Variants in IQCK observed in about 807,000 individuals in gnomAD.
IQCK encodes the protein IQ motif containing K, also known as IQ domain-containing protein K.
Under a neutral mutation model 28.1 loss-of-function variants are expected in IQCK, and 29 were observed. That is an observed-to-expected ratio of 1.03 (90% CI 0.77 to 1.41). IQCK has a LOEUF of 1.41. IQCK is among the 40% of genes most tolerant of loss of function. The probability of loss-of-function intolerance (pLI) is 0.00; values close to 1 mark genes in which losing one functional copy is unlikely to be tolerated. For synonymous variants in IQCK, 113 were observed against 115.1 expected (o/e 0.98, Z 0.12); for missense variants, 359 against 314.7 (o/e 1.14, Z -1.07).
chr16:19,831,406 T>G (rs752436298), downstream of IQCK, among the ~76,000 whole-genome samples: 6 of 152,208 alleles, frequency 3.9e-5, no homozygotes, highest in Admixed American at 6.5e-5. Context: ...TTGTTCCCTT[T>G]AACTGTCGCC....
chr16:19,829,626 C>T (rs965048769), downstream of IQCK, among the ~76,000 whole-genome samples: 1 of 152,142 alleles, frequency 6.6e-6, no homozygotes, highest in Non-Finnish European at 1.5e-5. Flanking sequence ...CATCAGCCAC[C>T]ATGCCTATTG....
intron 6 of IQCK, among the ~76,000 whole-genome samples, chr16:19,767,216 G>A (rs1448105891): frequency 6.6e-6 from 1 of 152,152 alleles, no homozygotes; most frequent in Admixed American, 6.5e-5. Flanking sequence ...GTTACCAGGT[G>A]CTCTCTTAGT....
At position 19,730,424 on chromosome 16, in the gene IQCK, CT is replaced by C; in HGVS notation, c.182-3del. On this transcript the variant is annotated splice_region_variant and splice_polypyrimidine_tract_variant and intron_variant, in intron 1 of 7. Coordinates refer to ENST00000564186, the Ensembl canonical transcript of IQCK. ...GAATTGAGGATTTTTTTTCCCTTCC[CT>C]TTAGAGTATGAAGCTGAGCAGCCTC... 1 of 1,593,428 alleles carries C rather than the reference CT, an allele frequency of 6.3e-7. No individual in the cohort carries two copies. The highest frequency in any genetic ancestry group is 8.5e-7 in the Non-Finnish European group (1 of 1,171,610).
chr16:19,839,218 T>C (rs1346724463), intron 9 of IQCK, among the ~76,000 whole-genome samples: 3 of 151,408 alleles, frequency 2.0e-5, no homozygotes, highest in East Asian at 4.0e-4. Flanking sequence ...TGGAGTGCAA[T>C]GGCATGATCT....
intron 7 of IQCK, among the ~76,000 whole-genome samples, chr16:19,811,645 A>G (rs1157395367): frequency 1.3e-5 from 2 of 152,234 alleles, no homozygotes; most frequent in Admixed American, 6.5e-5. Context: ...CTTGCTGACT[A>G]TACATTAATG....
chr16:19,728,944 C>T (rs1021876746), intron 1 of IQCK, among the ~76,000 whole-genome samples: 11 of 152,236 alleles, frequency 7.2e-5, no homozygotes, highest in African/African-American at 2.4e-4. Context: ...CCCTCAATAC[C>T]GTCTTGCCCA....
chr16:19,727,642 T>G (rs1977702606), intron 1 of IQCK, among the ~76,000 whole-genome samples: 2 of 147,218 alleles, frequency 1.4e-5, no homozygotes, highest in South Asian at 2.3e-4. Flanking sequence ...TAACAATGGT[T>G]GTAGGGTTGC....
At chr16:19,740,189 C>T (rs1022654057) in intron 4 of IQCK, among the ~76,000 whole-genome samples, 9 of 152,204 alleles carry the variant, frequency 5.9e-5, no homozygotes, top group Non-Finnish European at 8.8e-5. Context: ...CAAATTTAAA[C>T]GGCTTCTAAT....
intron 4 of IQCK, among the ~76,000 whole-genome samples, chr16:19,757,108 G>T (rs141515549): frequency 6.6e-6 from 1 of 152,154 alleles, no homozygotes; most frequent in East Asian, 1.9e-4. Context: ...ACTAAGACAT[G>T]AAGTAAATTG....
At chr16:19,778,485 T>C (rs552193446) in intron 6 of IQCK, among the ~76,000 whole-genome samples, 19 of 152,062 alleles carry the variant, frequency 1.2e-4, no homozygotes, top group Admixed American at 8.5e-4. Context: ...GTGAGACCCC[T>C]ATCTCTACAA....
intron 9 of IQCK, among the ~76,000 whole-genome samples, chr16:19,833,920 G>A (rs943216736): frequency 8.6e-5 from 13 of 151,830 alleles, no homozygotes; most frequent in South Asian, 4.2e-4. Context: ...ATGAGACCCC[G>A]TCTCTACAAA....
intron 1 of IQCK, among the ~76,000 whole-genome samples, chr16:19,722,460 C>A (rs912519137): frequency 3.3e-5 from 5 of 152,208 alleles, no homozygotes; most frequent in Non-Finnish European, 7.3e-5. Flanking sequence ...AAACCTCCAC[C>A]ATGACCCTAT....
At chr16:19,760,606 T>C (rs2055123857) in intron 4 of IQCK, among the ~76,000 whole-genome samples, 1 of 152,200 alleles carries the variant, frequency 6.6e-6, no homozygotes, top group South Asian at 2.1e-4. Context: ...ATTCAACCCT[T>C]AACACTCTGC....
chr16:19,762,227 G>T (rs2055157889), intron 4 of IQCK, among the ~76,000 whole-genome samples: 1 of 152,164 alleles, frequency 6.6e-6, no homozygotes, highest in Admixed American at 6.5e-5. Flanking sequence ...CTGTTAATAA[G>T]GTTGAAGTGG....
At chr16:19,747,909 G>A (rs1266607987) in intron 4 of IQCK, among the ~76,000 whole-genome samples, 1 of 152,062 alleles carries the variant, frequency 6.6e-6, no homozygotes. Context: ...GAGAATGGTG[G>A]CCCTTTTTGC....
chr16:19,727,086 A>T (rs1977677892), intron 1 of IQCK, among the ~76,000 whole-genome samples: 2 of 151,436 alleles, frequency 1.3e-5, no homozygotes, highest in Admixed American at 1.3e-4. Flanking sequence ...AGCCGAGATC[A>T]TACCACTGCA....
downstream of IQCK, among the ~76,000 whole-genome samples, chr16:19,831,607 G>A (rs1458099957): frequency 2.0e-5 from 3 of 151,150 alleles, no homozygotes; most frequent in Non-Finnish European, 4.4e-5. Context: ...CTTTAGACTT[G>A]CAATAAAAAA....
intron 7 of IQCK, among the ~76,000 whole-genome samples, chr16:19,822,452 C>G (rs550780113): frequency 4.0e-5 from 6 of 151,146 alleles, no homozygotes; most frequent in Admixed American, 2.6e-4. Flanking sequence ...AAATAAATGT[C>G]CTATACCTAT....
At chr16:19,771,488 C>T (rs2055320762) in intron 6 of IQCK, among the ~76,000 whole-genome samples, 1 of 152,168 alleles carries the variant, frequency 6.6e-6, no homozygotes. Context: ...GTCCCTTTCT[C>T]TTAGAGATCA....
Sources: gnomAD v4.1 joint callset for allele counts (sites outside exome capture counted in the v4.1 genomes callset) on GRCh38, gnomAD v4.1.1 for gene constraint, MANE v1.5 for transcripts, NCBI Gene and HGNC (gene_info 2026-07-23, HGNC 2026-07-21) for gene names.